Variants in SMIM43 observed in about 807,000 individuals in gnomAD.
SMIM43 encodes the protein Nodal Enhanced MEsendoderm Peptide.
Position 121,761,534 on chromosome 4 carries a change from T to C in SMIM43, c.*499+4A>G. On this transcript the variant is annotated splice_donor_region_variant and intron_variant, in intron 5 of 5. Coordinates refer to ENST00000643802, the MANE Select transcript of SMIM43 (RefSeq NM_001384332.1). Reference sequence around the variant, plus strand: ...AAATAGAGTATTTCATATTTTTTACTCACCTAGTTCCAAGTTTCCACCCCT... The same window carrying C: ...AAATAGAGTATTTCATATTTTTTACCCACCTAGTTCCAAGTTTCCACCCCT... The C allele has an allele frequency of 1.3e-6, 2 of 1,575,210 alleles. No homozygotes were observed. Among genetic ancestry groups the C allele is most frequent in the Non-Finnish European group, 1.7e-6 (2 of 1,163,388 alleles).
At chr4:121,762,071 G>C (rs1272456388) in intron 3 of SMIM43, among the ~76,000 whole-genome samples, 179 bp from the exon 4 acceptor site, 1 of 152,050 alleles carries the variant, frequency 6.6e-6, no homozygotes, top group Non-Finnish European at 1.5e-5. Flanking sequence ...CTATAATCAA[G>C]TTACATTTAT....
intron 3 of SMIM43, 107 bp from the exon 4 acceptor site, chr4:121,761,999 C>T: frequency 1.1e-6 from 1 of 933,246 alleles, no homozygotes; most frequent in Non-Finnish European, 1.6e-6. Context: ...TTCAAGTCAC[C>T]TTCTAACATT....
intron 2 of SMIM43, among the ~76,000 whole-genome samples, 156 bp downstream of exon 2, chr4:121,763,608 A>T (rs1030928919): frequency 4.6e-5 from 7 of 152,138 alleles, no homozygotes; most frequent in Non-Finnish European, 7.4e-5. Flanking sequence ...GGCTTTGTGG[A>T]TCTGGTAGAA....
At chr4:121,764,792 C>T (rs1240905213) in intron 1 of SMIM43, 25 bp downstream of exon 1, 2 of 395,228 alleles carry the variant, frequency 5.1e-6, no homozygotes, top group African/African-American at 2.1e-5. Flanking sequence ...CGGAACGGAC[C>T]CGTCAGAGCC....
intron 1 of SMIM43, chr4:121,764,176 C>G (rs1398603448): frequency 6.6e-6 from 1 of 152,236 alleles, no homozygotes; most frequent in East Asian, 1.9e-4. Context: ...CTGTAACGTT[C>G]ACCATCCGCT....
chr4:121,764,970 C>G lies in SMIM43; in HGVS notation c.136G>C (p.Gly46Arg). Reference protein sequence around the residue: ...VANTAGALQPGRLSVHREPWG... With the variant: ...VANTAGALQPRRLSVHREPWG... Reference sequence around the variant, plus strand: ...GGCTCGCGGTGCACCGAGAGGCGCCCGGGCTGGAGCGCCCCGGCCGTGTTG... The same window carrying G: ...GGCTCGCGGTGCACCGAGAGGCGCCGGGGCTGGAGCGCCCCGGCCGTGTTG... Residue 46 changes from glycine (G) to arginine (R), a missense_variant, in exon 1 of 6, where the codon GGG (glycine) becomes CGG (arginine). Gly to Arg is a moderately radical substitution (Grantham distance 125, BLOSUM62 -2). Transcript: ENST00000643802. The G allele has an allele frequency of 2.5e-6, 1 of 398,518 alleles. No individual in the cohort carries two copies. The highest frequency in any genetic ancestry group is 4.4e-6 in the Non-Finnish European group (1 of 225,682). The allele number at this position is 398,518 out of a possible 1,614,324, so 24.7% of individuals were successfully genotyped here.
Position 121,759,587 on chromosome 4 carries a change from A to T in SMIM43, c.*1387T>A, listed in dbSNP as rs1725942907. 1 of 152,210 alleles carries T rather than the reference A, an allele frequency of 6.6e-6. No individual in the cohort carries two copies. The highest frequency in any genetic ancestry group is 1.5e-5 in the Non-Finnish European group (1 of 68,022). 9.4% of individuals were successfully genotyped at this position (152,210 alleles called of 1,614,324 possible). A position where few individuals can be genotyped will look rare whatever the true frequency, so the allele number is the denominator to read the frequency against. ...ATATTGGACACTGCAGATATAGAACATTTCTGTCATCACAGAAAGTTCTTT... is the reference window on the plus strand; with the variant it reads ...ATATTGGACACTGCAGATATAGAACTTTTCTGTCATCACAGAAAGTTCTTT... On this transcript the variant is annotated 3_prime_UTR_variant, in exon 6 of 6. Coordinates refer to ENST00000643802, the MANE Select transcript of SMIM43 (RefSeq NM_001384332.1).
At chr4:121,764,684 A>C (rs944156156) in intron 1 of SMIM43, 133 bp downstream of exon 1, 3 of 384,178 alleles carry the variant, frequency 7.8e-6, no homozygotes, top group Non-Finnish European at 1.4e-5. Flanking sequence ...GCACAGCGCC[A>C]GCCCAGACCC....
chr4:121,763,321 G>C (rs907871081), intron 2 of SMIM43, among the ~76,000 whole-genome samples: 4 of 152,056 alleles, frequency 2.6e-5, no homozygotes, highest in Non-Finnish European at 4.4e-5. Flanking sequence ...GTATTTCATT[G>C]TTTTTAGCCT....
intron 3 of SMIM43, among the ~76,000 whole-genome samples, chr4:121,762,138 CAT>C (rs1475767821): frequency 6.6e-6 from 1 of 152,070 alleles, no homozygotes; most frequent in Admixed American, 6.6e-5. Flanking sequence ...ATGTCTAGCT[CAT>C]ATATATACAG....
chr4:121,759,324 T>C lies in SMIM43; in HGVS notation c.*1650A>G, dbSNP rs1387981653. ...CTGGGAGACAAATTCAATGGCAAGC[T>C]AGAATAGTGAAGACCAGGGGATACC... On this transcript the variant is annotated 3_prime_UTR_variant, in exon 6 of 6. Transcript: ENST00000643802. 6.6e-6 allele frequency: 1 copy of C among 152,154 alleles called. No individual in the cohort carries two copies. The highest frequency in any genetic ancestry group is 1.5e-5 in the Non-Finnish European group (1 of 68,034). 9.4% of individuals were successfully genotyped at this position (152,154 alleles called of 1,614,324 possible). A position where few individuals can be genotyped will look rare whatever the true frequency, so the allele number is the denominator to read the frequency against.
intron 5 of SMIM43, 54 bp from the exon 6 acceptor site, chr4:121,760,528 C>T (rs1726004251): frequency 6.8e-7 from 1 of 1,466,618 alleles, no homozygotes; most frequent in Admixed American, 2.7e-5. Flanking sequence ...AGCCTGACAC[C>T]CGTGAGCTGC....
At position 121,760,338 on chromosome 4, in the gene SMIM43, C is replaced by A; in HGVS notation, c.*636G>T. ...GCAGTAGCCAATGACACAGTTCTGG[C>A]CAATGAGATGAAGGCAAAAGTTATT... On this transcript the variant is annotated 3_prime_UTR_variant, in exon 6 of 6. Coordinates refer to ENST00000643802, the MANE Select transcript of SMIM43 (RefSeq NM_001384332.1). 1 of 1,613,792 alleles carries A rather than the reference C, an allele frequency of 6.2e-7. No homozygotes were observed. Among genetic ancestry groups the A allele is most frequent in the Non-Finnish European group, 8.5e-7 (1 of 1,179,926 alleles).
chr4:121,764,787 C>A, intron 1 of SMIM43, 30 bp downstream of exon 1: 1 of 395,172 alleles, frequency 2.5e-6, no homozygotes, highest in Non-Finnish European at 4.5e-6. Flanking sequence ...CACGCCGGAA[C>A]GGACCCGTCA....
intron 1 of SMIM43, 78 bp from the exon 2 acceptor site, chr4:121,763,950 G>A (rs1326996500): frequency 6.6e-6 from 1 of 152,118 alleles, no homozygotes; most frequent in African/African-American, 2.4e-5. Flanking sequence ...ATTAGCGAGA[G>A]GGTACTTAGG....
rs1270576789 is a variant in SMIM43, at chr4:121,759,316, T to C, written c.*1658A>G. ...CTTTTCCTCTGGGAGACAAATTCAA[T>C]GGCAAGCTAGAATAGTGAAGACCAG... On this transcript the variant is annotated 3_prime_UTR_variant, in exon 6 of 6. Coordinates refer to ENST00000643802, the MANE Select transcript of SMIM43 (RefSeq NM_001384332.1). The C allele has an allele frequency of 6.6e-6, 1 of 152,146 alleles. No homozygotes were observed. The allele number at this position is 152,146 out of a possible 1,614,324, so 9.4% of individuals were successfully genotyped here. A position where few individuals can be genotyped will look rare whatever the true frequency, so the allele number is the denominator to read the frequency against.
intron 2 of SMIM43, among the ~76,000 whole-genome samples, chr4:121,763,190 A>G (rs1260948260): frequency 1.3e-5 from 2 of 152,210 alleles, no homozygotes; most frequent in African/African-American, 4.8e-5. Flanking sequence ...AGTGAAATAG[A>G]AAGTGGGAAA....
At chr4:121,761,446 T>C in intron 5 of SMIM43, 92 bp downstream of exon 5, 1 of 1,314,442 alleles carries the variant, frequency 7.6e-7, no homozygotes, top group South Asian at 1.6e-5. Context: ...CATTTAAAAT[T>C]TAACTCTATT....
chr4:121,764,774 C>T (rs73844292), intron 1 of SMIM43, 43 bp downstream of exon 1: 26,226 of 395,056 alleles, frequency 0.066, 2,505 homozygotes, highest in African/African-American at 0.27. Context: ...GGTCCCTGCG[C>T]CTCACGCCGG....
Sources: allele counts gnomAD v4.1 joint callset (sites outside exome capture counted in the v4.1 genomes callset), GRCh38; gene constraint gnomAD v4.1.1; transcripts MANE v1.5; gene names NCBI Gene and HGNC (gene_info 2026-07-23, HGNC 2026-07-21).